CCSER1: variants seen among roughly 807,000 people sequenced by gnomAD.
The protein encoded by CCSER1 is coiled-coil serine rich protein 1, also known as serine-rich coiled-coil domain-containing protein 1.
Under a neutral mutation model 82.0 loss-of-function variants are expected in CCSER1, and 41 were observed. The observed-to-expected ratio is 0.50, with a 90% CI of 0.39 to 0.65. The LOEUF (loss-of-function observed/expected upper bound fraction) is 0.65, where lower values mean the gene tolerates loss of function less well. CCSER1 is among the 30% of genes least tolerant of loss of function. The pLI is 0.00. For missense variants in CCSER1, 1,119 were observed against 1,064.2 expected (o/e 1.05, Z -0.72); for synonymous variants, 414 against 383.9 (o/e 1.08, Z -0.92).
rs116705225 is a variant in CCSER1, at chr4:91,156,352, C to G, written c.2217+70358C>G. ...AATCACTATTACACCATCATTTGCT[C>G]TGTCCTTCACTTTAATAATGAAAAA... On this transcript the variant is annotated intron_variant, in intron 10 of 10. Transcript: ENST00000509176. 5.3e-3 allele frequency among the ~76,000 whole-genome samples: 800 copies of G among 151,762 alleles called. 8 individuals carry two copies. The highest frequency in any genetic ancestry group is 0.018 in the African/African-American group (757 of 41,478).
chr4:90,694,001 A>G (rs1031000188), intron 6 of CCSER1, among the ~76,000 whole-genome samples: 9 of 151,968 alleles, frequency 5.9e-5, no homozygotes, highest in Non-Finnish European at 1.0e-4. Context: ...GAGCAAACAC[A>G]TGTTTAAAAT....
At chr4:91,568,058 C>T (rs1762981273) in intron 10 of CCSER1, among the ~76,000 whole-genome samples, 1 of 152,032 alleles carries the variant, frequency 6.6e-6, no homozygotes, top group Admixed American at 6.6e-5. Flanking sequence ...TGAATTCCTT[C>T]AAGATTTGCT....
chr4:91,153,570 T>A lies in CCSER1; in HGVS notation c.2217+67576T>A, dbSNP rs192705449. ...GTCCTGTTGCTGGCAAGGAGCTGCATTCCTTTGAAGGCACTCTGATTTTTA... is the reference window on the plus strand; with the variant it reads ...GTCCTGTTGCTGGCAAGGAGCTGCAATCCTTTGAAGGCACTCTGATTTTTA... On this transcript the variant is annotated intron_variant, in intron 10 of 10. Coordinates refer to ENST00000509176, the MANE Select transcript of CCSER1 (RefSeq NM_001145065.2). 4.9e-3 allele frequency among the ~76,000 whole-genome samples: 741 copies of A among 151,988 alleles called. 13 individuals are homozygous for A. The highest frequency in any genetic ancestry group is 7.9e-3 in the Non-Finnish European group (536 of 67,828).
chr4:90,468,135 G>T, intron 4 of CCSER1, 99 bp from the exon 5 acceptor site: 1 of 1,005,414 alleles, frequency 9.9e-7, no homozygotes, highest in South Asian at 2.5e-5. Context: ...ATTAGAATTA[G>T]ATCTTTTATT....
chr4:91,077,995 T>A (rs936616043), intron 9 of CCSER1, among the ~76,000 whole-genome samples: 1 of 152,204 alleles, frequency 6.6e-6, no homozygotes, highest in Non-Finnish European at 1.5e-5. Context: ...CGCCTGCCTC[T>A]GTAGACTCCA....
chr4:90,371,048 C>T lies in CCSER1; in HGVS notation c.1510-28988C>T, dbSNP rs28482994. 8.0e-3 allele frequency among the ~76,000 whole-genome samples: 1,215 copies of T among 152,032 alleles called. 16 individuals are homozygous for T. Among genetic ancestry groups the T allele is most frequent in the African/African-American group, 0.028 (1,170 of 41,524 alleles). ...TGATGAATTAGCAGCTACAAGCTAT[C>T]ACAGGAAACAAACCCAGACCTTGCC... On this transcript the variant is annotated intron_variant, in intron 3 of 10. Transcript: ENST00000509176.
intron 1 of CCSER1, among the ~76,000 whole-genome samples, chr4:90,227,667 G>A (rs1156690560): frequency 6.6e-6 from 1 of 152,206 alleles, no homozygotes; most frequent in Non-Finnish European, 1.5e-5. Context: ...CCCAGCGTGA[G>A]CGACGCAGAA....
chr4:90,634,484 T>C (rs898341845), intron 6 of CCSER1, among the ~76,000 whole-genome samples: 19 of 151,882 alleles, frequency 1.3e-4, no homozygotes, highest in African/African-American at 3.9e-4. Context: ...TTATAAAATT[T>C]ACAGTGTTTT....
intron 5 of CCSER1, among the ~76,000 whole-genome samples, chr4:90,617,929 T>C (rs1279184250): frequency 6.6e-6 from 1 of 152,084 alleles, no homozygotes; most frequent in Admixed American, 6.6e-5. Flanking sequence ...TTTTCATTCC[T>C]TATTTGAAAG....
intron 10 of CCSER1, among the ~76,000 whole-genome samples, chr4:91,576,423 T>G (rs1448516463): frequency 6.6e-6 from 1 of 151,944 alleles, no homozygotes; most frequent in African/African-American, 2.4e-5. Context: ...AAATGAGATG[T>G]TGGTTACAAG....
chr4:90,687,161 GCACTTCAGAATTAT>G (rs1734959367), intron 6 of CCSER1, among the ~76,000 whole-genome samples: 2 of 152,018 alleles, frequency 1.3e-5, no homozygotes, highest in African/African-American at 4.8e-5. Flanking sequence ...TTTCACAGAA[GCACTTCAGAATTAT>G]TCTCTCAATG....
intron 1 of CCSER1, among the ~76,000 whole-genome samples, chr4:90,169,752 G>A (rs1030543513): frequency 6.6e-6 from 1 of 151,816 alleles, no homozygotes; most frequent in Non-Finnish European, 1.5e-5. Context: ...AATGTTTCTT[G>A]TTCCTCATTA....
At chr4:90,399,163 A>G (rs924458560) in intron 3 of CCSER1, among the ~76,000 whole-genome samples, 13 of 152,034 alleles carry the variant, frequency 8.6e-5, no homozygotes, top group African/African-American at 3.1e-4. Context: ...TCACCCATTT[A>G]TATATATACA....
intron 1 of CCSER1, among the ~76,000 whole-genome samples, chr4:90,206,002 T>G (rs1738748173): frequency 1.3e-5 from 2 of 152,198 alleles, no homozygotes; most frequent in Non-Finnish European, 2.9e-5. Context: ...TTTATAGTAT[T>G]CTCTGATAGA....
At chr4:90,868,587 T>A (rs938383821) in intron 8 of CCSER1, among the ~76,000 whole-genome samples, 3 of 152,082 alleles carry the variant, frequency 2.0e-5, no homozygotes, top group African/African-American at 7.2e-5. Context: ...CACCTTTTCT[T>A]TATCTGTTCC....
At chr4:90,301,694 A>G (rs1733161053) in intron 1 of CCSER1, among the ~76,000 whole-genome samples, 1 of 152,140 alleles carries the variant, frequency 6.6e-6, no homozygotes. Flanking sequence ...AAGACCTATT[A>G]TTATTAAAGT....
chr4:91,386,460 T>G (rs1751294286), intron 10 of CCSER1, among the ~76,000 whole-genome samples: 1 of 152,020 alleles, frequency 6.6e-6, no homozygotes, highest in Non-Finnish European at 1.5e-5. Flanking sequence ...GGGCTTTCCC[T>G]TATAGTAGAA....
intron 5 of CCSER1, among the ~76,000 whole-genome samples, chr4:90,481,471 A>T (rs535389087): frequency 6.6e-6 from 1 of 152,178 alleles, no homozygotes; most frequent in Non-Finnish European, 1.5e-5. Flanking sequence ...GAATGCTTCC[A>T]GTTTTTGTCC....
At chr4:91,128,874 A>C (rs1727742901) in intron 10 of CCSER1, among the ~76,000 whole-genome samples, 1 of 152,124 alleles carries the variant, frequency 6.6e-6, no homozygotes, top group Non-Finnish European at 1.5e-5. Flanking sequence ...ACTAGGGACA[A>C]CATTGGGAAA....
Sources: gnomAD v4.1 joint callset for allele counts (sites outside exome capture counted in the v4.1 genomes callset) on GRCh38, gnomAD v4.1.1 for gene constraint, MANE v1.5 for transcripts, NCBI Gene and HGNC (gene_info 2026-07-23, HGNC 2026-07-21) for gene names.